BCL7A: variants seen among roughly 807,000 people sequenced by gnomAD.
The protein encoded by BCL7A is BAF chromatin remodeling complex subunit BCL7A, also known as B-cell CLL/lymphoma 7 protein family member A.
Under a neutral mutation model 28.4 loss-of-function variants are expected in BCL7A, and 11 were observed. The ratio of observed to expected loss-of-function variants is 0.39; its 90% confidence interval spans 0.24 to 0.64. The LOEUF is 0.64. BCL7A is among the 30% of genes least tolerant of loss of function. The pLI, the probability that BCL7A is intolerant of heterozygous loss-of-function variation, is 0.50. For missense variants in BCL7A, 222 were observed against 274.8 expected, an observed-to-expected ratio of 0.81 and a Z score of 1.36; for synonymous variants, 123 against 103.3, an observed-to-expected ratio of 1.19 and a Z score of -1.15.
At chr12:122,041,142 C>T (rs956751447) in intron 3 of BCL7A, among the ~76,000 whole-genome samples, 16 of 152,080 alleles carry the variant, frequency 1.1e-4, no homozygotes, top group African/African-American at 3.9e-4. Context: ...CCTGGTGCTT[C>T]CTCGGCAGGT....
At chr12:122,039,092 C>T (rs190157502) in intron 3 of BCL7A, among the ~76,000 whole-genome samples, 18 of 151,784 alleles carry the variant, frequency 1.2e-4, no homozygotes, top group Admixed American at 7.2e-4. Flanking sequence ...GTTGGGAGAT[C>T]GAGACCATCC....
chr12:122,049,375 A>G (rs887010460), intron 4 of BCL7A, among the ~76,000 whole-genome samples: 5 of 151,982 alleles, frequency 3.3e-5, no homozygotes, highest in African/African-American at 1.2e-4. Flanking sequence ...GGGATAAGCA[A>G]TTGGGTCTTC....
At chr12:122,058,408 C>T (rs1951893547) in intron 5 of BCL7A, among the ~76,000 whole-genome samples, 1 of 151,212 alleles carries the variant, frequency 6.6e-6, no homozygotes, top group South Asian at 2.1e-4. Context: ...CCTGTAATCC[C>T]AGCACTCTGG....
At chr12:122,025,995 C>A (rs1325052289) in intron 1 of BCL7A, among the ~76,000 whole-genome samples, 1 of 149,264 alleles carries the variant, frequency 6.7e-6, no homozygotes. Context: ...AAAGGCCGGG[C>A]ACGTTGGCTC....
chr12:122,042,725 G>A (rs1883986447), intron 3 of BCL7A, among the ~76,000 whole-genome samples: 1 of 151,918 alleles, frequency 6.6e-6, no homozygotes, highest in African/African-American at 2.4e-5. Context: ...GTATTTTCTG[G>A]TAAATTTCCC....
rs1470322307 is a variant in BCL7A, at chr12:122,029,287, G to A, written c.93-1413G>A. Reference sequence around the variant, plus strand: ...CTGATGGAACACGTGGGACCCGAGCGGGCAGGGTTTTTGGGGGTGAGGTGT... The same window carrying A: ...CTGATGGAACACGTGGGACCCGAGCAGGCAGGGTTTTTGGGGGTGAGGTGT... On this transcript the variant is annotated intron_variant, in intron 1 of 5. Transcript: ENST00000261822. The surrounding 1 kb of genome is among the most constrained non-coding windows in gnomAD (Gnocchi z 4.3). 6.6e-6 allele frequency among the ~76,000 whole-genome samples: 1 copy of A among 152,128 alleles called. No individual in the cohort carries two copies. The highest frequency in any genetic ancestry group is 2.1e-4 in the South Asian group (1 of 4,826).
rs534167592 is a variant in BCL7A, at chr12:122,055,875, T to C, written c.561+949T>C. Among the ~76,000 whole-genome samples the C allele has an allele frequency of 5.3e-5, 8 of 152,266 alleles. No individual in the cohort carries two copies. In the South Asian group the frequency reaches 1.7e-3, roughly 32 times the overall value. Reference sequence around the variant, plus strand: ...TCAAATGATCCACTCCCTCAGCCTCTCAAAGTGCTGGGATTACAGGCGTGA... The same window carrying C: ...TCAAATGATCCACTCCCTCAGCCTCCCAAAGTGCTGGGATTACAGGCGTGA... On this transcript the variant is annotated intron_variant, in intron 5 of 5. Transcript: ENST00000261822.
intron 2 of BCL7A, among the ~76,000 whole-genome samples, chr12:122,031,970 C>T (rs542431931): frequency 1.3e-3 from 201 of 152,314 alleles, no homozygotes; most frequent in Middle Eastern, 3.4e-3. Context: ...GGACTGCCTT[C>T]CGTATTTACT....
chr12:122,037,347 C>G (rs1883876659), intron 3 of BCL7A, among the ~76,000 whole-genome samples: 1 of 152,180 alleles, frequency 6.6e-6, no homozygotes, highest in Non-Finnish European at 1.5e-5. Context: ...AGACAAATAA[C>G]TAAAAAAGGA....
chr12:122,055,098 CT>C, intron 5 of BCL7A, 172 bp downstream of exon 5: 1 of 1,372,440 alleles, frequency 7.3e-7, no homozygotes, highest in Non-Finnish European at 9.9e-7. Context: ...TGGGCTCTGC[CT>C]TGGGCTCTGG....
Position 122,059,143 on chromosome 12 carries a change from C to T in BCL7A, c.613C>T (p.Gln205Ter). Residue 205 changes from glutamine (Q) to a stop codon, truncating the protein, a stop_gained, in exon 6 of 6, where the codon CAA (glutamine) becomes TAA (stop). Coordinates refer to ENST00000261822, the MANE Select transcript of BCL7A (RefSeq NM_001024808.3). LOFTEE classifies it high-confidence loss of function. The surrounding 1 kb of genome is among the most constrained non-coding windows in gnomAD (Gnocchi z 4.0). ...SKKMKLEASQ[Q>*]NSEEM ...AAAGATGAAACTGGAGGCCTCTCAA[C>T]AAAACTCCGAAGAGATGTAGACGAT... is the stretch of plus-strand genomic sequence containing the variant. 1 of 1,612,388 alleles carries T rather than the reference C, an allele frequency of 6.2e-7. No individual in the cohort carries two copies. The highest frequency in any genetic ancestry group is 8.5e-7 in the Non-Finnish European group (1 of 1,178,390).
chr12:122,053,831 T>G (rs1884250050), intron 4 of BCL7A, among the ~76,000 whole-genome samples: 1 of 152,116 alleles, frequency 6.6e-6, no homozygotes, highest in Non-Finnish European at 1.5e-5. Flanking sequence ...GCGGCCATCT[T>G]GTAAGCTGTG....
rs778564613 is a variant in BCL7A, at chr12:122,035,381, G to A, written c.225G>A (p.Val75=). 1.9e-6 allele frequency: 3 copies of A among 1,614,044 alleles called. No homozygotes were observed. Among genetic ancestry groups the A allele is most frequent in the African/African-American group, 1.3e-5 (1 of 74,940 alleles). ...KGKDEKCGSE[V]TTPENSSSPG... ...AGGACGAGAAGTGTGGCTCAGAGGT[G>A]ACCACTCCGGAGAACAGTTCCTCCC... Residue 75 remains valine, a synonymous_variant, in exon 3 of 6, where the codon GTG becomes GTA. Coordinates refer to ENST00000261822, the MANE Select transcript of BCL7A (RefSeq NM_001024808.3).
intron 5 of BCL7A, among the ~76,000 whole-genome samples, chr12:122,056,774 C>G (rs1951880992): frequency 6.6e-6 from 1 of 152,044 alleles, no homozygotes; most frequent in African/African-American, 2.4e-5. Context: ...CCATTGCCCT[C>G]CAGCCTGGGT....
At position 122,025,992 on chromosome 12, in the gene BCL7A, G is replaced by T. The variant is rs1412609124; in HGVS notation, c.92+3809G>T. 2.7e-5 allele frequency among the ~76,000 whole-genome samples: 4 copies of T among 149,838 alleles called. No individual in the cohort carries two copies. In the East Asian group the frequency reaches 5.9e-4, roughly 22 times the overall value. ...AAGAAGAAAGAAAAGAGAAAAGGCC[G>T]GGCACGTTGGCTCACACCTGTAATC... On this transcript the variant is annotated intron_variant, in intron 1 of 5. Coordinates refer to ENST00000261822, the MANE Select transcript of BCL7A (RefSeq NM_001024808.3).
At chr12:122,056,042 A>G (rs901785337) in intron 5 of BCL7A, among the ~76,000 whole-genome samples, 3 of 152,218 alleles carry the variant, frequency 2.0e-5, no homozygotes, top group African/African-American at 7.2e-5. Flanking sequence ...TCTGAGACAG[A>G]CTAGGGCGCA....
intron 1 of BCL7A, among the ~76,000 whole-genome samples, chr12:122,024,271 C>T (rs1883560199): frequency 6.6e-6 from 1 of 152,218 alleles, no homozygotes; most frequent in African/African-American, 2.4e-5. Flanking sequence ...CGACCTTGGG[C>T]ATATCATTGT....
chr12:122,035,427 G>C lies in BCL7A; in HGVS notation c.271G>C (p.Asp91His), dbSNP rs745979464. 23 of 1,613,316 alleles carry C rather than the reference G, an allele frequency of 1.4e-5. No individual in the cohort carries two copies. The highest frequency in any genetic ancestry group is 1.8e-5 in the Non-Finnish European group (21 of 1,179,432). The change falls in exon 3 of 6, where the codon GAC (aspartate) becomes CAC (histidine). Residue 91 changes from aspartate to histidine, a missense_variant and splice_region_variant. Around this residue, in one of 2 missense-constraint regions of BCL7A, gnomAD observed 67 missense variants for 129.1 expected, o/e 0.52. Transcript: ENST00000261822. Reference sequence around the variant, plus strand: ...CTCCCCAGGGATGATGGACATGCATGGTGAGTGCCCATGGCCTGCCAGCCT... The same window carrying C: ...CTCCCCAGGGATGATGGACATGCATCGTGAGTGCCCATGGCCTGCCAGCCT... ...SSSPGMMDMH[D>H]DNSNQSSIAD...
intron 4 of BCL7A, among the ~76,000 whole-genome samples, chr12:122,053,288 G>A (rs979938756): frequency 2.0e-5 from 3 of 152,188 alleles, no homozygotes; most frequent in Non-Finnish European, 4.4e-5. Flanking sequence ...GAGCCGCCGC[G>A]CCCGGCCAGG....
Sources: allele counts gnomAD v4.1 joint callset (sites outside exome capture counted in the v4.1 genomes callset), GRCh38; gene constraint gnomAD v4.1.1; regional missense constraint gnomAD v4.1.1; non-coding constraint Gnocchi (gnomAD v3.1); transcripts MANE v1.5; gene names NCBI Gene and HGNC (gene_info 2026-07-23, HGNC 2026-07-21).